Variants in PDE3B observed in about 807,000 individuals in gnomAD.
PDE3B encodes the protein cGMP-inhibited 3',5'-cyclic phosphodiesterase 3B.
Under a neutral mutation model 116.8 loss-of-function variants are expected in PDE3B, and 66 were observed. The ratio of observed to expected loss-of-function variants is 0.56; its 90% CI spans 0.46 to 0.69. The LOEUF (loss-of-function observed/expected upper bound fraction) is 0.69, where lower values mean the gene tolerates loss of function less well. Ranked by LOEUF, PDE3B falls within the 30% of genes least tolerant of loss-of-function variation. PDE3B has a pLI of 0.00. For missense variants in PDE3B, 1,384 were observed against 1,368.1 expected (o/e 1.01, Z -0.18); for synonymous variants, 595 against 533.6 (o/e 1.12, Z -1.59).
At chr11:14,789,956 C>G (rs755520949) in intron 4 of PDE3B, among the ~76,000 whole-genome samples, 1 of 151,920 alleles carries the variant, frequency 6.6e-6, no homozygotes, top group Non-Finnish European at 1.5e-5. Context: ...TTTCTTTACT[C>G]AGCTTTCTAA....
At chr11:14,712,759 G>A (rs187377352) in intron 1 of PDE3B, among the ~76,000 whole-genome samples, 99 of 152,334 alleles carry the variant, frequency 6.5e-4, no homozygotes, top group African/African-American at 2.2e-3. Flanking sequence ...ACAGGCATGA[G>A]CCACTGCGCC....
chr11:14,861,453 G>C (rs1847949319), intron 14 of PDE3B, 87 bp downstream of exon 14: 1 of 1,221,006 alleles, frequency 8.2e-7, no homozygotes, highest in African/African-American at 1.5e-5. Flanking sequence ...TTTATTAAGT[G>C]TTTGAAATCT....
At chr11:14,807,684 T>G (rs1375733090) in intron 5 of PDE3B, among the ~76,000 whole-genome samples, 2 of 152,186 alleles carry the variant, frequency 1.3e-5, no homozygotes, top group Non-Finnish European at 2.9e-5. Flanking sequence ...GGGATCTGAC[T>G]AGAGTTGTCA....
intron 1 of PDE3B, among the ~76,000 whole-genome samples, chr11:14,747,879 A>G (rs1163071485): frequency 6.6e-6 from 1 of 152,192 alleles, no homozygotes; most frequent in Non-Finnish European, 1.5e-5. Context: ...AAGTGCACAC[A>G]TTTCTGTGTT....
chr11:14,786,206 CTT>C (rs542778306), intron 2 of PDE3B, among the ~76,000 whole-genome samples: 18 of 151,956 alleles, frequency 1.2e-4, no homozygotes, highest in African/African-American at 4.1e-4. Context: ...AAATTACAGA[CTT>C]TAAAGTAAAT....
chr11:14,673,627 C>T (rs1565085866), intron 1 of PDE3B: 2 of 657,464 alleles, frequency 3.0e-6, no homozygotes, highest in Admixed American at 1.8e-5. Context: ...ACTTCATAAT[C>T]TCTGGCACTA....
At chr11:14,688,071 A>G (rs1176298951) in intron 1 of PDE3B, among the ~76,000 whole-genome samples, 9 of 150,002 alleles carry the variant, frequency 6.0e-5, no homozygotes, top group South Asian at 2.1e-4. Flanking sequence ...ATTGAATTAA[A>G]ATTTTCTTTC....
the PDE3B span, chr11:14,885,653 G>A: frequency 1.9e-6 from 2 of 1,064,684 alleles, no homozygotes; most frequent in Non-Finnish European, 2.8e-6. Context: ...ACTAGGTTCT[G>A]TAAATAAATA....
intron 1 of PDE3B, among the ~76,000 whole-genome samples, chr11:14,745,702 G>A (rs558057129): frequency 1.5e-4 from 23 of 151,284 alleles, no homozygotes; most frequent in African/African-American, 5.1e-4. Context: ...TCCTTTCCTC[G>A]CTATACTTTT....
intron 1 of PDE3B, among the ~76,000 whole-genome samples, chr11:14,721,814 T>C (rs1196785850): frequency 4.1e-5 from 5 of 120,508 alleles, no homozygotes; most frequent in Non-Finnish European, 8.4e-5. Flanking sequence ...TTGGGAGATA[T>C]ACCTAATGCT....
chr11:14,807,284 C>A (rs915729851), intron 5 of PDE3B, among the ~76,000 whole-genome samples: 1 of 151,952 alleles, frequency 6.6e-6, no homozygotes, highest in Non-Finnish European at 1.5e-5. Context: ...TGGGTAAACA[C>A]AATAATAACT....
the PDE3B span, chr11:14,879,168 G>A: frequency 6.4e-3 from 10,326 of 1,613,184 alleles, 50 homozygotes; most frequent in Non-Finnish European, 7.9e-3. Context: ...CTGCTGTCCA[G>A]AAATCGCTCA....
At chr11:14,881,431 C>G in the PDE3B span, among the ~76,000 whole-genome samples, 1 of 152,080 alleles carries the variant, frequency 6.6e-6, no homozygotes, top group Non-Finnish European at 1.5e-5. Flanking sequence ...AATTTTCTCC[C>G]TTAAATTAAT....
At chr11:14,806,858 C>CAAAAAAAAAAAAAAAAAA in intron 5 of PDE3B, among the ~76,000 whole-genome samples, 1 of 45,904 alleles carries the variant, frequency 2.2e-5, no homozygotes. Flanking sequence ...GACTCCGTCT[C>CAAAAAAAAAAAAAAAAAA]AAAAAAAAAA....
intron 7 of PDE3B, 128 bp downstream of exon 7, chr11:14,819,337 C>A: frequency 3.5e-6 from 2 of 579,412 alleles, no homozygotes; most frequent in South Asian, 2.6e-5. Context: ...TATTTTTTAC[C>A]CACTTCACAG....
chr11:14,874,151 T>G (rs782040112), downstream of PDE3B, among the ~76,000 whole-genome samples: 12 of 152,200 alleles, frequency 7.9e-5, no homozygotes, highest in African/African-American at 9.6e-5. Context: ...TGCACTTTTT[T>G]GTCTTATGTT....
In PDE3B at chr11:14,799,744, C is replaced by T. The variant is rs189795492; in HGVS notation, c.1416-4200C>T. Among the ~76,000 whole-genome samples, 639 of 141,242 alleles carry T rather than the reference C, an allele frequency of 4.5e-3. 3 individuals are homozygous for T. The highest frequency in any genetic ancestry group is 0.015 in the African/African-American group (567 of 38,012). 92.7% of individuals were successfully genotyped at this position (141,242 alleles called of 152,430 possible). The stretch of plus-strand genomic sequence containing the variant: ...AAGTCTGTTTTATCAGAGATTAGGA[C>T]TGCAACTCCTGCCTTTTTTTTTTTT... On this transcript the variant is annotated intron_variant, in intron 4 of 15. Transcript: ENST00000282096.
downstream of PDE3B, among the ~76,000 whole-genome samples, chr11:14,874,377 C>A (rs117043980): frequency 4.3e-3 from 661 of 152,120 alleles, 33 homozygotes; most frequent in East Asian, 0.11. Context: ...GTGAGATAAG[C>A]CCATTTATAT....
Position 14,644,542 on chromosome 11 carries a change from C to T in PDE3B, c.467C>T (p.Ala156Val), listed in dbSNP as rs138622966. 4 of 1,602,270 alleles carry T rather than the reference C, an allele frequency of 2.5e-6. No individual in the cohort carries two copies. The highest frequency in any genetic ancestry group is 3.4e-6 in the Non-Finnish European group (4 of 1,174,556). ...GRSCGSWWLL[A>V]LPACCYLGDF... ...AGCTGCGGCTCCTGGTGGCTGCTGG[C>T]GCTGCCCGCCTGCTGTTACCTGGGG... Residue 156 changes from alanine to valine, a missense_variant, in exon 1 of 16, where the codon GCG becomes GTG. Physicochemically the swap from Ala to Val is moderately conservative, Grantham distance 64 (BLOSUM62 0). Coordinates refer to ENST00000282096, the MANE Select transcript of PDE3B (RefSeq NM_000922.4).
Sources: gnomAD v4.1 joint callset for allele counts (sites outside exome capture counted in the v4.1 genomes callset) on GRCh38, gnomAD v4.1.1 for gene constraint, MANE v1.5 for transcripts, NCBI Gene and HGNC (gene_info 2026-07-23, HGNC 2026-07-21) for gene names.